The following CELF2 variants were observed in gnomAD, a reference collection of about 807,000 sequenced individuals.
CELF2 encodes the protein CUG triplet repeat RNA-binding protein 2.
A neutral mutation model predicts 62.6 loss-of-function variants in CELF2; 8 were observed. The ratio of observed to expected loss-of-function variants is 0.13; its 90% CI spans 0.07 to 0.23. The LOEUF (loss-of-function observed/expected upper bound fraction) is 0.23, where lower values mean the gene tolerates loss of function less well. Ranked by LOEUF, CELF2 falls within the 10% of genes least tolerant of loss-of-function variation. The pLI is 1.00. For missense variants in CELF2, 333 were observed against 671.0 expected (o/e 0.50, Z 5.56); for synonymous variants, 258 against 250.0 (o/e 1.03, Z -0.30).
the CELF2 span, among the ~76,000 whole-genome samples, chr10:10,506,269 C>CGTGTGTGTGT: frequency 0.02 from 2,869 of 146,752 alleles, 71 homozygotes; most frequent in East Asian, 0.1. Flanking sequence ...AGATGCACTT[C>CGTGTGTGTGT]GTGTGTGTGT....
chr10:11,298,403 T>C (rs946388568), intron 9 of CELF2, among the ~76,000 whole-genome samples: 17 of 152,280 alleles, frequency 1.1e-4, no homozygotes, highest in Admixed American at 3.9e-4. Flanking sequence ...TCTGTCAGGA[T>C]TGGGGAGGAT....
At chr10:11,289,018 C>T (rs943594881) in intron 9 of CELF2, among the ~76,000 whole-genome samples, 1 of 152,212 alleles carries the variant, frequency 6.6e-6, no homozygotes, top group Non-Finnish European at 1.5e-5. Context: ...CAGTAAGGAA[C>T]ATGTTTGCTC....
chr10:10,541,392 G>A, the CELF2 span, among the ~76,000 whole-genome samples: 3 of 152,134 alleles, frequency 2.0e-5, no homozygotes, highest in Non-Finnish European at 4.4e-5. Context: ...CAAATCCCTA[G>A]ACTAATGTGA....
At position 11,160,626 on chromosome 10, in the gene CELF2, C is replaced by T. The variant is rs184156343; in HGVS notation, c.75-4860C>T. Among the ~76,000 whole-genome samples, 26 of 129,642 alleles carry T rather than the reference C, an allele frequency of 2.0e-4. No individual in the cohort carries two copies. In the Middle Eastern group the frequency reaches 0.016, roughly 81 times the overall value. 85.1% of individuals were successfully genotyped at this position (129,642 alleles called of 152,430 possible). A position where few individuals can be genotyped will look rare whatever the true frequency, so the allele number is the denominator to read the frequency against. Reference sequence around the variant, plus strand: ...ATGGCACCGGGTTGGGTAGCACTGACGTGGATTATCCCAAGGATCAAAAAA... The same window carrying T: ...ATGGCACCGGGTTGGGTAGCACTGATGTGGATTATCCCAAGGATCAAAAAA... On this transcript the variant is annotated intron_variant, in intron 1 of 12. Coordinates refer to ENST00000633077, the MANE Select transcript of CELF2 (RefSeq NM_001326342.2).
intron 1 of CELF2, among the ~76,000 whole-genome samples, chr10:10,808,684 G>C (rs2055505507): frequency 6.6e-6 from 1 of 152,194 alleles, no homozygotes; most frequent in African/African-American, 2.4e-5. Flanking sequence ...TCTTTTTAAA[G>C]TGAGAAGACA....
the CELF2 span, among the ~76,000 whole-genome samples, chr10:10,655,899 G>T: frequency 1.5e-5 from 2 of 131,078 alleles, no homozygotes; most frequent in Non-Finnish European, 3.3e-5. Context: ...AAGAGCTTCT[G>T]CACAGCAAAA....
intron 1 of CELF2, among the ~76,000 whole-genome samples, chr10:10,815,924 CATAA>C (rs2056422745): frequency 6.7e-6 from 1 of 149,272 alleles, no homozygotes; most frequent in Non-Finnish European, 1.5e-5. Flanking sequence ...TTTTTTGCCC[CATAA>C]ATTGGCCTAA....
At chr10:10,915,127 AT>A (rs199645372) in intron 1 of CELF2, among the ~76,000 whole-genome samples, 12,395 of 63,022 alleles carry the variant, frequency 0.2, 1,186 homozygotes, top group African/African-American at 0.42. Context: ...GTGAAACTTT[AT>A]TTTAAAAAAA....
the CELF2 span, among the ~76,000 whole-genome samples, chr10:10,657,792 G>C: frequency 7.9e-5 from 12 of 152,130 alleles, no homozygotes; most frequent in South Asian, 2.5e-3. Flanking sequence ...AAGTTCAGTT[G>C]GGGATACAAG....
intron 1 of CELF2, among the ~76,000 whole-genome samples, chr10:10,842,216 C>A (rs1409279900): frequency 6.6e-6 from 1 of 151,956 alleles, no homozygotes; most frequent in African/African-American, 2.4e-5. Flanking sequence ...TTCTACATTG[C>A]CAATTATGCC....
chr10:10,872,035 T>C (rs1482088727), intron 1 of CELF2, among the ~76,000 whole-genome samples: 1 of 152,218 alleles, frequency 6.6e-6, no homozygotes, highest in Non-Finnish European at 1.5e-5. Flanking sequence ...TGTCCTTTAA[T>C]TACTCATTTT....
chr10:11,030,118 G>C (rs1347529980), intron 1 of CELF2, among the ~76,000 whole-genome samples: 2 of 152,168 alleles, frequency 1.3e-5, no homozygotes, highest in Non-Finnish European at 2.9e-5. Flanking sequence ...CTGCTTTTTG[G>C]TGTGTGTTTC....
At chr10:10,697,606 G>A in the CELF2 span, among the ~76,000 whole-genome samples, 1 of 152,204 alleles carries the variant, frequency 6.6e-6, no homozygotes, top group Non-Finnish European at 1.5e-5. Context: ...ATCTGGTGAG[G>A]AACCTCTTTC....
chr10:11,108,339 T>C (rs1402799420), intron 1 of CELF2, among the ~76,000 whole-genome samples: 1 of 138,216 alleles, frequency 7.2e-6, no homozygotes, highest in Admixed American at 8.0e-5. Context: ...TTGTGGATTC[T>C]GGTTCACTGT....
At chr10:10,483,485 AG>A in the CELF2 span, among the ~76,000 whole-genome samples, 1 of 152,198 alleles carries the variant, frequency 6.6e-6, no homozygotes, top group South Asian at 2.1e-4. Context: ...CACAAACCGA[AG>A]GGTGGGTAAA....
At chr10:10,746,344 T>G in the CELF2 span, among the ~76,000 whole-genome samples, 1 of 103,506 alleles carries the variant, frequency 9.7e-6, no homozygotes, top group Non-Finnish European at 1.9e-5. Flanking sequence ...TCACCAAAAT[T>G]TGTTAGTCAC....
rs896052339 is a variant in CELF2, at chr10:11,280,314, C to G, written c.841+5194C>G. ...TCCAGGAGCAGGCCTGCGCCTGACA[C>G]CTGTGCCCGAGAAGCCTAGTCCGGC... On this transcript the variant is annotated intron_variant, in intron 8 of 12. Coordinates refer to ENST00000633077, the MANE Select transcript of CELF2 (RefSeq NM_001326342.2). The surrounding 1 kb of genome is among the most constrained non-coding windows in gnomAD (Gnocchi z 7.6). Among the ~76,000 whole-genome samples the G allele has an allele frequency of 1.3e-5, 2 of 152,204 alleles. No homozygotes were observed. Among genetic ancestry groups the G allele is most frequent in the African/African-American group, 2.4e-5 (1 of 41,448 alleles).
At chr10:10,534,481 T>A in the CELF2 span, among the ~76,000 whole-genome samples, 2 of 152,052 alleles carry the variant, frequency 1.3e-5, no homozygotes, top group African/African-American at 4.8e-5. Flanking sequence ...ACACACAGAG[T>A]TGGGTTAACC....
chr10:10,981,406 G>T (rs1302034901), intron 2 of CELF2, among the ~76,000 whole-genome samples: 1 of 152,202 alleles, frequency 6.6e-6, no homozygotes, highest in Non-Finnish European at 1.5e-5. Flanking sequence ...GAAGTGGCCG[G>T]CATATGTGGT....
Sources: allele counts gnomAD v4.1 joint callset (sites outside exome capture counted in the v4.1 genomes callset), GRCh38; gene constraint gnomAD v4.1.1; non-coding constraint Gnocchi (gnomAD v3.1); transcripts MANE v1.5; gene names NCBI Gene and HGNC (gene_info 2026-07-23, HGNC 2026-07-21).